NUBPL: variants seen among roughly 807,000 people sequenced by gnomAD.
NUBPL encodes the protein iron-sulfur cluster transfer protein NUBPL.
A neutral mutation model predicts 45.7 loss-of-function variants in NUBPL; 31 were observed. That is an observed-to-expected ratio of 0.68 (90% CI 0.51 to 0.92). The LOEUF is 0.92. Among genes scored for constraint, NUBPL ranks in the 40% least tolerant of loss-of-function variants. The pLI is 0.00. For synonymous variants in NUBPL, 144 were observed against 140.9 expected, an observed-to-expected ratio of 1.02 and a Z score of -0.15; for missense variants, 401 against 398.7, an observed-to-expected ratio of 1.01 and a Z score of -0.05.
intron 6 of NUBPL, among the ~76,000 whole-genome samples, chr14:31,699,867 A>G (rs750870248): frequency 6.6e-6 from 1 of 152,202 alleles, no homozygotes; most frequent in African/African-American, 2.4e-5. Flanking sequence ...TGTGATGTCA[A>G]TAACTGCAGT....
intron 6 of NUBPL, among the ~76,000 whole-genome samples, chr14:31,688,227 C>T (rs1464773731): frequency 6.6e-6 from 1 of 152,030 alleles, no homozygotes; most frequent in Non-Finnish European, 1.5e-5. Context: ...ATCAATGTAA[C>T]AGGAGAGGCA....
intron 4 of NUBPL, among the ~76,000 whole-genome samples, chr14:31,641,366 C>T (rs920918587): frequency 1.3e-5 from 2 of 152,274 alleles, no homozygotes; most frequent in African/African-American, 2.4e-5. Context: ...CACCAGTCTA[C>T]TACTCTTTAT....
chr14:31,814,913 A>T lies in NUBPL; in HGVS notation c.608-11716A>T, dbSNP rs76935125. 3.7e-3 allele frequency among the ~76,000 whole-genome samples: 568 copies of T among 152,116 alleles called. 3 individuals are homozygous for T. The highest frequency in any genetic ancestry group is 0.014 in the Admixed American group (215 of 15,290). The stretch of plus-strand genomic sequence containing the variant: ...TGGTCTGTATCTCTGTTTTGGTACC[A>T]GTATCATGCTGTTTTGATTGCTGTA... On this transcript the variant is annotated intron_variant, in intron 7 of 10. Coordinates refer to ENST00000281081, the MANE Select transcript of NUBPL (RefSeq NM_025152.3).
At chr14:31,732,371 A>G (rs1323118442) in intron 6 of NUBPL, among the ~76,000 whole-genome samples, 1 of 151,820 alleles carries the variant, frequency 6.6e-6, no homozygotes, top group Non-Finnish European at 1.5e-5. Context: ...TTTTAAAAAC[A>G]CTTTTTTAAT....
intron 6 of NUBPL, among the ~76,000 whole-genome samples, chr14:31,739,569 C>T (rs1217212648): frequency 5.3e-5 from 8 of 152,044 alleles, no homozygotes; most frequent in Non-Finnish European, 2.9e-5. Context: ...GTCTATATAT[C>T]CCATGCCCCA....
intron 6 of NUBPL, among the ~76,000 whole-genome samples, chr14:31,754,918 A>G (rs1293484109): frequency 8.1e-6 from 1 of 124,180 alleles, no homozygotes; most frequent in Non-Finnish European, 1.6e-5. Flanking sequence ...CTCATTGTTC[A>G]ATTCCCATCT....
intron 4 of NUBPL, among the ~76,000 whole-genome samples, chr14:31,613,258 T>C (rs548633217): frequency 1.3e-4 from 20 of 152,188 alleles, no homozygotes; most frequent in African/African-American, 2.6e-4. Context: ...ATTGAACTCA[T>C]GGACAGAGAG....
chr14:31,751,843 A>T (rs2038537901), intron 6 of NUBPL, among the ~76,000 whole-genome samples: 1 of 147,042 alleles, frequency 6.8e-6, no homozygotes, highest in Non-Finnish European at 1.5e-5. Flanking sequence ...GTAGACTTCC[A>T]TACATCCTCT....
intron 6 of NUBPL, among the ~76,000 whole-genome samples, chr14:31,760,906 A>G (rs2038793772): frequency 6.6e-6 from 1 of 151,982 alleles, no homozygotes; most frequent in Non-Finnish European, 1.5e-5. Flanking sequence ...TGGTGTAGTT[A>G]TGGCACACTC....
At chr14:31,604,192 A>C (rs1011041007) in intron 4 of NUBPL, among the ~76,000 whole-genome samples, 40 of 152,102 alleles carry the variant, frequency 2.6e-4, no homozygotes, top group Admixed American at 4.6e-4. Context: ...AAAAAAAAAA[A>C]AAAACACTTT....
At chr14:31,585,143 G>T (rs1006547571) in intron 3 of NUBPL, among the ~76,000 whole-genome samples, 17 of 152,122 alleles carry the variant, frequency 1.1e-4, no homozygotes, top group African/African-American at 4.1e-4. Flanking sequence ...TAGTGCAGGG[G>T]TGTCCAATCT....
At chr14:31,812,983 CTTTTTT>C (rs33986436) in intron 7 of NUBPL, among the ~76,000 whole-genome samples, 2 of 105,098 alleles carry the variant, frequency 1.9e-5, no homozygotes, top group Admixed American at 1.0e-4. Context: ...CTTGTTAGTT[CTTTTTT>C]TTTTTTTTTT....
intron 4 of NUBPL, among the ~76,000 whole-genome samples, chr14:31,627,384 G>A (rs1243109829): frequency 3.3e-5 from 5 of 151,968 alleles, no homozygotes; most frequent in South Asian, 2.1e-4. Flanking sequence ...AATGCATTTC[G>A]GCTTACTCTG....
intron 6 of NUBPL, among the ~76,000 whole-genome samples, chr14:31,766,418 C>T (rs1235149387): frequency 1.3e-5 from 2 of 152,156 alleles, no homozygotes; most frequent in Non-Finnish European, 2.9e-5. Context: ...TCTGCTTTTA[C>T]TTGAACCCCC....
intron 4 of NUBPL, among the ~76,000 whole-genome samples, chr14:31,606,268 T>G (rs1194514605): frequency 1.3e-5 from 2 of 151,744 alleles, no homozygotes; most frequent in East Asian, 3.9e-4. Context: ...AATTTTTAAT[T>G]TTTTGTAGAG....
At chr14:31,782,931 T>A (rs1440271240) in intron 6 of NUBPL, among the ~76,000 whole-genome samples, 1 of 152,234 alleles carries the variant, frequency 6.6e-6, no homozygotes, top group East Asian at 1.9e-4. Flanking sequence ...CAAACATATT[T>A]AGTCTTTCTA....
chr14:31,819,303 A>T (rs2039976533), intron 7 of NUBPL, among the ~76,000 whole-genome samples: 1 of 152,230 alleles, frequency 6.6e-6, no homozygotes, highest in Non-Finnish European at 1.5e-5. Context: ...AATCAGTAGC[A>T]CTAAATATTA....
chr14:31,682,254 T>C lies in NUBPL; in HGVS notation c.513+8680T>C, dbSNP rs190667914. Among the ~76,000 whole-genome samples, 9 of 152,306 alleles carry C rather than the reference T, an allele frequency of 5.9e-5. No homozygotes were observed. In the East Asian group the frequency reaches 1.7e-3, roughly 29 times the overall value. ...TTATGTATTCGTGGTGAATTTGCCCTTTTGTTGTTATGAAATACTCCTCTA... is the reference window on the plus strand; with the variant it reads ...TTATGTATTCGTGGTGAATTTGCCCCTTTGTTGTTATGAAATACTCCTCTA... On this transcript the variant is annotated intron_variant, in intron 6 of 10. Transcript: ENST00000281081.
At chr14:31,807,909 G>C (rs1157065125) in intron 7 of NUBPL, among the ~76,000 whole-genome samples, 1 of 152,042 alleles carries the variant, frequency 6.6e-6, no homozygotes, top group Non-Finnish European at 1.5e-5. Flanking sequence ...TTTTTGTTAG[G>C]TTTGTCAAAG....
Sources: allele counts gnomAD v4.1 joint callset (sites outside exome capture counted in the v4.1 genomes callset), GRCh38; gene constraint gnomAD v4.1.1; transcripts MANE v1.5; gene names NCBI Gene and HGNC (gene_info 2026-07-23, HGNC 2026-07-21).